GPATCH8: variants seen among roughly 807,000 people sequenced by gnomAD.
The protein encoded by GPATCH8 is G patch domain-containing protein 8.
Under a neutral mutation model 118.3 loss-of-function variants are expected in GPATCH8, and 18 were observed. The observed-to-expected ratio is 0.15, with a 90% CI of 0.11 to 0.23. GPATCH8 has a LOEUF of 0.23. Among genes scored for constraint, GPATCH8 ranks in the 10% least tolerant of loss-of-function variants. The probability of loss-of-function intolerance (pLI) is 1.00; values close to 1 mark genes in which losing one functional copy is unlikely to be tolerated. For synonymous variants in GPATCH8, 659 were observed against 684.7 expected (o/e 0.96, Z 0.59); for missense variants, 1,631 against 1,873.8 (o/e 0.87, Z 2.39).
chr17:44,420,191 T>C (rs899926274), intron 6 of GPATCH8, among the ~76,000 whole-genome samples: 1 of 152,168 alleles, frequency 6.6e-6, no homozygotes, highest in African/African-American at 2.4e-5. Flanking sequence ...GAGTTCTCCA[T>C]GGGTAACCCT....
At chr17:44,422,636 G>A (rs1370497470) in intron 6 of GPATCH8, among the ~76,000 whole-genome samples, 13 of 151,766 alleles carry the variant, frequency 8.6e-5, no homozygotes, top group African/African-American at 2.7e-4. Context: ...GACTACAGGC[G>A]CTCGCTACCA....
intron 4 of GPATCH8, among the ~76,000 whole-genome samples, 186 bp from the exon 5 acceptor site, chr17:44,435,337 G>A (rs1235056202): frequency 6.6e-6 from 1 of 151,610 alleles, no homozygotes; most frequent in African/African-American, 2.4e-5. Flanking sequence ...GTTACTTTCA[G>A]GCTGGTAGTT....
chr17:44,463,384 G>A (rs147548503), intron 3 of GPATCH8, among the ~76,000 whole-genome samples: 385 of 152,198 alleles, frequency 2.5e-3, no homozygotes, highest in African/African-American at 8.7e-3. Flanking sequence ...AACGATTCCC[G>A]TAATTTTTTT....
At chr17:44,450,396 C>T (rs925526263) in intron 3 of GPATCH8, among the ~76,000 whole-genome samples, 4 of 152,194 alleles carry the variant, frequency 2.6e-5, no homozygotes, top group Middle Eastern at 3.2e-3. Flanking sequence ...TATTGTCTCA[C>T]ACTCACTCAA....
chr17:44,472,087 A>G (rs1967326283), intron 2 of GPATCH8, among the ~76,000 whole-genome samples: 1 of 151,998 alleles, frequency 6.6e-6, no homozygotes, highest in Non-Finnish European at 1.5e-5. Context: ...TACAACCTAA[A>G]CTATCTCATC....
Position 44,397,919 on chromosome 17 carries a change from T to G in GPATCH8, c.4158A>C (p.Ala1386=), listed in dbSNP as rs377523121. Residue 1386 remains alanine (A), a synonymous_variant, in exon 8 of 8, where the codon GCA becomes GCC. Coordinates refer to ENST00000591680, the MANE Select transcript of GPATCH8 (RefSeq NM_001002909.4). ...QHAILQHHAA[A]AAAAIGIHPH... ...GGTGAATGCCGATGGCGGCAGCAGC[T>G]GCGGCAGCATGATGTTGTAGGATGG... 5.0e-6 allele frequency: 8 copies of G among 1,612,700 alleles called. No homozygotes were observed. The highest frequency in any genetic ancestry group is 1.3e-5 in the African/African-American group (1 of 74,978).
intron 3 of GPATCH8, among the ~76,000 whole-genome samples, chr17:44,444,797 C>T (rs1453048132): frequency 6.6e-6 from 1 of 151,960 alleles, no homozygotes; most frequent in Middle Eastern, 3.2e-3. Context: ...AAAGTGGTAG[C>T]ACTTTTGTGC....
intron 1 of GPATCH8, among the ~76,000 whole-genome samples, chr17:44,495,558 T>G (rs947649402): frequency 2.6e-5 from 4 of 152,202 alleles, no homozygotes; most frequent in African/African-American, 9.7e-5. Flanking sequence ...CTTAACAAAC[T>G]ACCCGCACAG....
In GPATCH8 at chr17:44,398,406, A is replaced by C; in HGVS notation, c.3671T>G (p.Leu1224Arg). The C allele has an allele frequency of 6.2e-7, 1 of 1,613,956 alleles. No homozygotes were observed. Among genetic ancestry groups the C allele is most frequent in the Non-Finnish European group, 8.5e-7 (1 of 1,179,918 alleles). ...EATADHPVAP[L>R]GTPAHSDCYP... The stretch of plus-strand genomic sequence containing the variant: ...GCAGTCAGAATGTGCTGGGGTGCCT[A>C]GTGGAGCCACAGGGTGATCAGCAGT... Residue 1224 changes from leucine (L) to arginine (R), a missense_variant, in exon 8 of 8, where the codon CTA becomes CGA. By Grantham distance (102) the Leu-to-Arg change is moderately radical. Around this residue, in one of 8 missense-constraint regions of GPATCH8, gnomAD observed 922 missense variants for 879.7 expected, o/e 1.05. Coordinates refer to ENST00000591680, the MANE Select transcript of GPATCH8 (RefSeq NM_001002909.4).
At chr17:44,420,778 A>G (rs1228528057) in intron 6 of GPATCH8, among the ~76,000 whole-genome samples, 2 of 152,222 alleles carry the variant, frequency 1.3e-5, no homozygotes, top group Non-Finnish European at 2.9e-5. Context: ...ATTTTATTAC[A>G]TTGTAAATCT....
Position 44,428,208 on chromosome 17 carries a change from G to A in GPATCH8, c.349-3716C>T, listed in dbSNP as rs751978024. On this transcript the variant is annotated intron_variant, in intron 5 of 7. Transcript: ENST00000591680. ...TGGGGAAGTCCTTCAAAAAGTACTC[G>A]TAGGCTGGGTGCGGTGGCTCATTCC... Among the ~76,000 whole-genome samples, 10 of 151,238 alleles carry A rather than the reference G, an allele frequency of 6.6e-5. No homozygotes were observed. In the South Asian group the frequency reaches 8.4e-4, roughly 13 times the overall value.
chr17:44,458,423 T>TA (rs1158493021), intron 3 of GPATCH8, among the ~76,000 whole-genome samples: 1 of 152,238 alleles, frequency 6.6e-6, no homozygotes, highest in East Asian at 1.9e-4. Flanking sequence ...CTCAAGCTGA[T>TA]AAATACCTGA....
At chr17:44,412,344 T>G (rs577845638) in intron 6 of GPATCH8, among the ~76,000 whole-genome samples, 1 of 152,330 alleles carries the variant, frequency 6.6e-6, no homozygotes, top group East Asian at 1.9e-4. Context: ...ATTGTGCCAC[T>G]GCACTCCAGC....
chr17:44,476,583 C>T (rs975571551), intron 1 of GPATCH8, among the ~76,000 whole-genome samples: 1 of 152,108 alleles, frequency 6.6e-6, no homozygotes, highest in African/African-American at 2.4e-5. Context: ...AAAATAAAAC[C>T]TATTTTTAAA....
At chr17:44,477,378 T>C (rs1967863325) in intron 1 of GPATCH8, among the ~76,000 whole-genome samples, 1 of 152,074 alleles carries the variant, frequency 6.6e-6, no homozygotes. Context: ...TACAATATTG[T>C]TAATGTACTT....
Position 44,417,764 on chromosome 17 carries a change from G to A in GPATCH8, c.492+6585C>T, listed in dbSNP as rs191654892. ...GGCAGGTAACATAATGAGTCACACA[G>A]ATTGGTGTAAGAGAAAAGATGAAGT... On this transcript the variant is annotated intron_variant, in intron 6 of 7. Transcript: ENST00000591680. Among the ~76,000 whole-genome samples the A allele has an allele frequency of 2.6e-5, 4 of 152,300 alleles. No individual in the cohort carries two copies. In the East Asian group the frequency reaches 7.7e-4, roughly 29 times the overall value.
chr17:44,409,785 C>T (rs2049365487), intron 6 of GPATCH8, among the ~76,000 whole-genome samples: 1 of 152,320 alleles, frequency 6.6e-6, no homozygotes, highest in Admixed American at 6.5e-5. Context: ...CTGTTCAATA[C>T]TCCCTTCCCT....
chr17:44,485,064 T>G (rs1469237024), intron 1 of GPATCH8, among the ~76,000 whole-genome samples: 1 of 151,994 alleles, frequency 6.6e-6, no homozygotes, highest in Non-Finnish European at 1.5e-5. Context: ...ATCGCCCGCC[T>G]CAGCCTCCCC....
At chr17:44,415,335 T>C (rs752550221) in intron 6 of GPATCH8, among the ~76,000 whole-genome samples, 1 of 152,194 alleles carries the variant, frequency 6.6e-6, no homozygotes, top group Admixed American at 6.5e-5. Context: ...CTGAAATACT[T>C]AGAACTGGAA....
Sources: allele counts gnomAD v4.1 joint callset (sites outside exome capture counted in the v4.1 genomes callset), GRCh38; gene constraint gnomAD v4.1.1; regional missense constraint gnomAD v4.1.1; transcripts MANE v1.5; gene names NCBI Gene and HGNC (gene_info 2026-07-23, HGNC 2026-07-21).